MCTP1: variants seen among roughly 807,000 people sequenced by gnomAD.
MCTP1 encodes the protein multiple C2 and transmembrane domain-containing protein 1.
In MCTP1, 69 loss-of-function variants were observed where a neutral mutation model predicts 120.6. The observed-to-expected ratio is 0.57, with a 90% CI of 0.47 to 0.70. The LOEUF is 0.70. Ranked by LOEUF, MCTP1 falls within the 30% of genes least tolerant of loss-of-function variation. The pLI is 0.00. For synonymous variants in MCTP1, 529 were observed against 493.1 expected (o/e 1.07, Z -0.96); for missense variants, 1,203 against 1,248.8 (o/e 0.96, Z 0.55).
intron 1 of MCTP1, among the ~76,000 whole-genome samples, chr5:95,088,219 C>G (rs1755579608): frequency 1.3e-5 from 2 of 152,334 alleles, no homozygotes; most frequent in South Asian, 4.1e-4. Flanking sequence ...ATCCCTAACA[C>G]AAGGCCAACC....
chr5:95,192,936 A>AG (rs552284681), intron 1 of MCTP1, among the ~76,000 whole-genome samples: 136 of 152,286 alleles, frequency 8.9e-4, no homozygotes, highest in African/African-American at 3.2e-3. Flanking sequence ...TAGGCTAAGC[A>AG]GGATGCCAGG....
intron 1 of MCTP1, among the ~76,000 whole-genome samples, chr5:95,128,939 T>G (rs1196204885): frequency 1.3e-5 from 2 of 152,064 alleles, no homozygotes; most frequent in African/African-American, 4.8e-5. Context: ...AACACCAACA[T>G]TTAAGCAGCA....
intron 1 of MCTP1, among the ~76,000 whole-genome samples, chr5:95,107,222 C>T (rs933203359): frequency 2.0e-5 from 3 of 151,734 alleles, no homozygotes; most frequent in Non-Finnish European, 4.4e-5. Flanking sequence ...ATTTTCAATC[C>T]GAAAATATAT....
In MCTP1 at chr5:95,262,555, G is replaced by A. The variant is rs188571086; in HGVS notation, c.720+21301C>T. Among the ~76,000 whole-genome samples the A allele has an allele frequency of 2.9e-3, 446 of 152,306 alleles. 3 individuals carry two copies. The highest frequency in any genetic ancestry group is 5.0e-3 in the Non-Finnish European group (340 of 68,020). On this transcript the variant is annotated intron_variant, in intron 1 of 22. Coordinates refer to ENST00000515393, the MANE Select transcript of MCTP1 (RefSeq NM_024717.7). ...AAAATCTGAGACAGGACTGCATGGA[G>A]GGCTGTGTGCTTAGAAGATTAGAAA...
intron 19 of MCTP1, among the ~76,000 whole-genome samples, chr5:94,769,384 AAAG>A (rs1773551146): frequency 6.6e-6 from 1 of 152,192 alleles, no homozygotes; most frequent in African/African-American, 2.4e-5. Flanking sequence ...TTCAACACTC[AAAG>A]AAGTGATAAA....
At chr5:94,876,638 T>C (rs1004308743) in intron 12 of MCTP1, among the ~76,000 whole-genome samples, 2 of 152,140 alleles carry the variant, frequency 1.3e-5, no homozygotes, top group African/African-American at 4.8e-5. Flanking sequence ...TGGCTCTTCC[T>C]GAAGCCCCAT....
intron 18 of MCTP1, chr5:94,789,102 T>C (rs963169634): frequency 1.3e-5 from 2 of 152,188 alleles, no homozygotes; most frequent in South Asian, 2.1e-4. Flanking sequence ...AACAATTCAT[T>C]TGATAGAAAA....
At chr5:95,154,226 T>G (rs1744841712) in intron 1 of MCTP1, 1 of 152,152 alleles carries the variant, frequency 6.6e-6, no homozygotes, top group African/African-American at 2.4e-5. Context: ...CTCTCAAGGG[T>G]GAACTAGGCA....
chr5:95,228,470 A>AAGAGAGAG lies in MCTP1; in HGVS notation c.720+55378_720+55385dup, dbSNP rs56915525. ...CTTAGAAAAACTTCCATGCAGCCAAAAGAGAGAGAGAGAGAGAGAGAGCGA... is the reference window on the plus strand; with the variant it reads ...CTTAGAAAAACTTCCATGCAGCCAAAAGAGAGAGAGAGAGAGAGAGAGAGAGAGAGCGA... On this transcript the variant is annotated intron_variant, in intron 1 of 22. Transcript: ENST00000515393. Among the ~76,000 whole-genome samples, 119 of 147,410 alleles carry AAGAGAGAG rather than the reference A, an allele frequency of 8.1e-4. 1 individual carries two copies. The highest frequency in any genetic ancestry group is 2.3e-3 in the African/African-American group (93 of 40,034).
chr5:95,148,787 CTT>C (rs1258595368), intron 1 of MCTP1, among the ~76,000 whole-genome samples: 1 of 152,028 alleles, frequency 6.6e-6, no homozygotes, highest in African/African-American at 2.4e-5. Context: ...TGTGTTGATT[CTT>C]TCTCATCTGA....
At chr5:94,856,741 A>G (rs1475288697) in intron 17 of MCTP1, among the ~76,000 whole-genome samples, 1 of 151,782 alleles carries the variant, frequency 6.6e-6, no homozygotes, top group African/African-American at 2.4e-5. Context: ...ACAGCAAATA[A>G]CAAAAGTCAA....
intron 17 of MCTP1, among the ~76,000 whole-genome samples, chr5:94,866,282 G>C (rs1796773622): frequency 6.6e-6 from 1 of 151,890 alleles, no homozygotes; most frequent in African/African-American, 2.4e-5. Flanking sequence ...TGAAGCTGGA[G>C]TACTAGGCTA....
intron 1 of MCTP1, among the ~76,000 whole-genome samples, chr5:95,248,334 AC>A (rs1365682058): frequency 6.6e-6 from 1 of 152,222 alleles, no homozygotes; most frequent in Non-Finnish European, 1.5e-5. Context: ...GTCTCAGGAT[AC>A]AAAATCAATG....
chr5:95,171,411 G>A (rs1747273596), intron 1 of MCTP1, among the ~76,000 whole-genome samples: 1 of 152,116 alleles, frequency 6.6e-6, no homozygotes, highest in Non-Finnish European at 1.5e-5. Flanking sequence ...TTCTCAAGGA[G>A]TATCTTTGTG....
chr5:94,934,744 T>TA (rs1561883881), intron 5 of MCTP1, among the ~76,000 whole-genome samples: 21 of 151,122 alleles, frequency 1.4e-4, no homozygotes, highest in African/African-American at 4.1e-4. Flanking sequence ...GAAGTTTTTT[T>TA]TTTTTTTTTT....
chr5:94,888,880 A>C lies in MCTP1; in HGVS notation c.1932T>G (p.Thr644=), dbSNP rs1801911957. 1 of 1,599,636 alleles carries C rather than the reference A, an allele frequency of 6.3e-7. No individual in the cohort carries two copies. Among genetic ancestry groups the C allele is most frequent in the East Asian group, 2.2e-5 (1 of 44,792 alleles). ...TAGGAGAATTGCATCATCTCTTACC[A>C]GTGACGTCGGCAGCCATTAACCCTT... ...RAEGLMAADV[T]GKSDPFCVVE... The change falls in exon 12 of 23, where the codon ACT becomes ACG. Residue 644 remains threonine (T), a splice_region_variant and synonymous_variant. Transcript: ENST00000515393.
At chr5:94,903,891 T>A (rs930302300) in intron 10 of MCTP1, among the ~76,000 whole-genome samples, 2 of 152,182 alleles carry the variant, frequency 1.3e-5, no homozygotes, top group Non-Finnish European at 2.9e-5. Context: ...AAAAACAACT[T>A]GTTCCCTGAC....
intron 19 of MCTP1, among the ~76,000 whole-genome samples, chr5:94,762,069 C>A (rs112956188): frequency 1.2e-3 from 182 of 152,292 alleles, no homozygotes; most frequent in African/African-American, 4.3e-3. Flanking sequence ...AGAAGTGCCC[C>A]AGTGAGCCCA....
chr5:94,928,117 A>AT (rs1040826767), intron 6 of MCTP1, among the ~76,000 whole-genome samples: 3 of 151,920 alleles, frequency 2.0e-5, no homozygotes, highest in Non-Finnish European at 4.4e-5. Flanking sequence ...TCACGATAAT[A>AT]TTTGTTATAT....
Sources: gnomAD v4.1 joint callset for allele counts (sites outside exome capture counted in the v4.1 genomes callset) on GRCh38, gnomAD v4.1.1 for gene constraint, MANE v1.5 for transcripts, NCBI Gene and HGNC (gene_info 2026-07-23, HGNC 2026-07-21) for gene names.